PRR7: variants seen among roughly 807,000 people sequenced by gnomAD.
PRR7 encodes proline-rich protein 7.
A neutral mutation model predicts 18.5 loss-of-function variants in PRR7; 8 were observed. The observed-to-expected ratio is 0.43, with a 90% CI of 0.25 to 0.78. PRR7 has a LOEUF of 0.78. PRR7 is among the 30% of genes least tolerant of loss of function. The pLI is 0.22. For synonymous variants in PRR7, 221 were observed against 187.7 expected (o/e 1.18, Z -1.45); for missense variants, 396 against 403.1 (o/e 0.98, Z 0.15).
rs1417585194 is a variant in PRR7 at position 177,449,613 on chromosome 5, C to T, written c.-325+2653C>T. Among the ~76,000 whole-genome samples, 5 of 152,196 alleles carry T rather than the reference C, an allele frequency of 3.3e-5. No homozygotes were observed. The highest frequency in any genetic ancestry group is 7.2e-5 in the African/African-American group (3 of 41,454). Reference sequence around the variant, plus strand: ...GCGGGGATGAAGGCACAGAGAGCCACAGGCTGAGGTTTCAGAGGAGGAACC... The same window carrying T: ...GCGGGGATGAAGGCACAGAGAGCCATAGGCTGAGGTTTCAGAGGAGGAACC... On this transcript the variant is annotated intron_variant, in intron 1 of 3. Coordinates refer to ENST00000323249, the MANE Select transcript of PRR7 (RefSeq NM_030567.5). This position sits in a 1 kb window ranked among gnomAD's most constrained non-coding sequence, Gnocchi z 4.2.
chr5:177,452,346 C>G (rs1460498090), intron 1 of PRR7, among the ~76,000 whole-genome samples: 1 of 152,172 alleles, frequency 6.6e-6, no homozygotes, highest in Non-Finnish European at 1.5e-5. Context: ...GAAAGGCTCC[C>G]AGACAAGGGC....
Position 177,455,946 on chromosome 5 carries a change from C to T in PRR7, c.650C>T (p.Pro217Leu). The change falls in exon 4 of 4, where the codon CCC becomes CTC. Residue 217 changes from proline (P) to leucine (L), a missense_variant. By Grantham distance (98) the Pro-to-Leu change is moderately conservative. This residue lies in a region of PRR7 where 383 missense variants were observed against 372.6 expected (regional missense o/e 1.03). Coordinates refer to ENST00000323249, the MANE Select transcript of PRR7 (RefSeq NM_030567.5). This position sits in a 1 kb window ranked among gnomAD's most constrained non-coding sequence, Gnocchi z 6.9. Reference sequence around the variant, plus strand: ...GGCTACACCTCGGCGCTGCACCTGCCCAGCGCCCCTCGGCCCGCGCCGCCC... The same window carrying T: ...GGCTACACCTCGGCGCTGCACCTGCTCAGCGCCCCTCGGCCCGCGCCGCCC... Reference protein sequence around the residue: ...DRGYTSALHLPSAPRPAPPCP... With the variant: ...DRGYTSALHLLSAPRPAPPCP... The T allele has an allele frequency of 1.9e-6, 3 of 1,599,374 alleles. No homozygotes were observed. Among genetic ancestry groups the T allele is most frequent in the Non-Finnish European group, 2.6e-6 (3 of 1,176,000 alleles).
At position 177,454,515 on chromosome 5, in the gene PRR7, C is replaced by G. The variant is rs1202919229; in HGVS notation, c.-239-314C>G. ...CACAGGCTCCTGAAACCCTTTGGCC[C>G]CGGGACTGCGGATGGCGAATCTCTC... On this transcript the variant is annotated intron_variant, in intron 2 of 3. Transcript: ENST00000323249. This position sits in a 1 kb window ranked among gnomAD's most constrained non-coding sequence, Gnocchi z 4.7. Among the ~76,000 whole-genome samples, 1 of 152,188 alleles carries G rather than the reference C, an allele frequency of 6.6e-6. No individual in the cohort carries two copies. Among genetic ancestry groups the G allele is most frequent in the Non-Finnish European group, 1.5e-5 (1 of 68,010 alleles).
rs1271248010 is a variant in PRR7, at chr5:177,454,707, C to G, written c.-239-122C>G. On this transcript the variant is annotated intron_variant, in intron 2 of 3. Transcript: ENST00000323249. This position sits in a 1 kb window ranked among gnomAD's most constrained non-coding sequence, Gnocchi z 4.7. ...CCCTCCTCGGTGACGTCACCGGGCCCCCGGGGAGCGCGAGGTTCCCACGGA... is the reference window on the plus strand; with the variant it reads ...CCCTCCTCGGTGACGTCACCGGGCCGCCGGGGAGCGCGAGGTTCCCACGGA... 6.4e-6 allele frequency: 1 copy of G among 155,234 alleles called. No homozygotes were observed. The highest frequency in any genetic ancestry group is 1.4e-5 in the Non-Finnish European group (1 of 70,228). 9.6% of individuals were successfully genotyped at this position (155,234 alleles called of 1,614,324 possible).
At chr5:177,447,035 C>A (rs1399429358) in intron 1 of PRR7, 75 bp downstream of exon 1, 1 of 151,932 alleles carries the variant, frequency 6.6e-6, no homozygotes, top group Non-Finnish European at 1.5e-5. Flanking sequence ...TGAGCCCTTC[C>A]CCGCGGGCGG....
At chr5:177,453,772 C>A (rs1469317717) in intron 1 of PRR7, among the ~76,000 whole-genome samples, 184 bp from the exon 2 acceptor site, 1 of 152,228 alleles carries the variant, frequency 6.6e-6, no homozygotes, top group Non-Finnish European at 1.5e-5. Context: ...ATCTACACAG[C>A]CAGTTGTTCC....
chr5:177,455,093 C>G lies in PRR7; in HGVS notation c.26C>G (p.Thr9Arg). The G allele has an allele frequency of 6.7e-7, 1 of 1,496,340 alleles. No homozygotes were observed. Among genetic ancestry groups the G allele is most frequent in the Non-Finnish European group, 8.9e-7 (1 of 1,122,674 alleles). 92.7% of individuals were successfully genotyped at this position (1,496,340 alleles called of 1,614,324 possible). A position where few individuals can be genotyped will look rare whatever the true frequency, so the allele number is the denominator to read the frequency against. MVMSQGTY[T>R]FLTCFAGFWL... Reference sequence around the variant, plus strand: ...ATGGTGATGTCCCAGGGCACCTACACGTTCCTCACGTGCTTCGCCGGCTTC... The same window carrying G: ...ATGGTGATGTCCCAGGGCACCTACAGGTTCCTCACGTGCTTCGCCGGCTTC... Residue 9 changes from threonine to arginine, a missense_variant, in exon 3 of 4, where the codon ACG (threonine) becomes AGG (arginine). This residue lies in a region of PRR7 where 13 missense variants were observed against 30.6 expected (regional missense o/e 0.43). Transcript: ENST00000323249. This position sits in a 1 kb window ranked among gnomAD's most constrained non-coding sequence, Gnocchi z 6.9.
Position 177,455,732 on chromosome 5 carries a change from G to T in PRR7, c.436G>T (p.Asp146Tyr). ...CGCCTCCCACTCCGCAGCGGAATCGGACATGTCCAAACCACCGTGTTACGA... is the reference window on the plus strand; with the variant it reads ...CGCCTCCCACTCCGCAGCGGAATCGTACATGTCCAAACCACCGTGTTACGA... ...PWSYPRQAES[D>Y]MSKPPCYEEA... is the part of the protein sequence containing the mutation. Residue 146 changes from aspartate (D) to tyrosine (Y), a missense_variant, in exon 4 of 4, where the codon GAC becomes TAC. Physicochemically the swap from Asp to Tyr is radical, Grantham distance 160. Coordinates refer to ENST00000323249, the MANE Select transcript of PRR7 (RefSeq NM_030567.5). This position sits in a 1 kb window ranked among gnomAD's most constrained non-coding sequence, Gnocchi z 6.9. 1 of 1,593,046 alleles carries T rather than the reference G, an allele frequency of 6.3e-7. No individual in the cohort carries two copies. The highest frequency in any genetic ancestry group is 1.1e-5 in the South Asian group (1 of 89,328).
rs372921059 is a variant in PRR7, at chr5:177,452,353, G to A, written c.-324-1603G>A. ...CTGAGTCTGAAAGGCTCCCAGACAAGGGCAAGAGCTCACATAGTAAAGGAG... is the reference window on the plus strand; with the variant it reads ...CTGAGTCTGAAAGGCTCCCAGACAAAGGCAAGAGCTCACATAGTAAAGGAG... On this transcript the variant is annotated intron_variant, in intron 1 of 3. Coordinates refer to ENST00000323249, the MANE Select transcript of PRR7 (RefSeq NM_030567.5). 2.5e-3 allele frequency among the ~76,000 whole-genome samples: 378 copies of A among 152,356 alleles called. 2 individuals are homozygous for A. Among genetic ancestry groups the A allele is most frequent in the African/African-American group, 8.7e-3 (362 of 41,592 alleles).
intron 1 of PRR7, among the ~76,000 whole-genome samples, chr5:177,452,386 G>C (rs1312847580): frequency 6.6e-6 from 1 of 152,218 alleles, no homozygotes; most frequent in Non-Finnish European, 1.5e-5. Context: ...GAGCAGTAAG[G>C]GGGCATGGTT....
rs1392231844 is a variant in PRR7 at position 177,454,454 on chromosome 5, A to G, written c.-239-375A>G. ...TACCACCCTTTCCCCGCCGCACAGC[A>G]ACGGCGCCGAGACGCCTCTTCAGGG... On this transcript the variant is annotated intron_variant, in intron 2 of 3. Transcript: ENST00000323249. This position sits in a 1 kb window ranked among gnomAD's most constrained non-coding sequence, Gnocchi z 4.7. Among the ~76,000 whole-genome samples, 1 of 152,144 alleles carries G rather than the reference A, an allele frequency of 6.6e-6. No individual in the cohort carries two copies. The highest frequency in any genetic ancestry group is 2.4e-5 in the African/African-American group (1 of 41,440).
Position 177,455,270 on chromosome 5 carries a change from GC to G in PRR7, c.209del (p.Pro70ArgfsTer89). The G allele has an allele frequency of 4.6e-6, 7 of 1,521,992 alleles. No individual in the cohort carries two copies. The highest frequency in any genetic ancestry group is 4.0e-5 in the Admixed American group (2 of 49,412). The allele number at this position is 1,521,992 out of a possible 1,614,324, so 94.3% of individuals were successfully genotyped here. A position where few individuals can be genotyped will look rare whatever the true frequency, so the allele number is the denominator to read the frequency against. ...PLELEGSLAG[S>X]PPGLAPPQPP... ...GAACTCGAGGGCAGTCTGGCCGGGA[GC>G]CCCCCGGGCCTGGCGCCGCCGCAGC... On this transcript the variant is annotated frameshift_variant, in exon 3 of 4. Coordinates refer to ENST00000323249, the MANE Select transcript of PRR7 (RefSeq NM_030567.5). LOFTEE classifies it high-confidence loss of function. The surrounding 1 kb of genome is among the most constrained non-coding windows in gnomAD (Gnocchi z 6.9).
chr5:177,455,232 G>T lies in PRR7; in HGVS notation c.165G>T (p.Glu55Asp). ...GCGAGCAGAACCTGCGCGCCCTAGA[G>T]CTGGAGCCCCTCGAACTCGAGGGCA... ...RLREQNLRAL[E>D]LEPLELEGSL... The change falls in exon 3 of 4, where the codon GAG (glutamate) becomes GAT (aspartate). Residue 55 changes from glutamate to aspartate, a missense_variant. By Grantham distance (45) the Glu-to-Asp change is conservative. This residue lies in a region of PRR7 where 383 missense variants were observed against 372.6 expected (regional missense o/e 1.03). Transcript: ENST00000323249. The surrounding 1 kb of genome is among the most constrained non-coding windows in gnomAD (Gnocchi z 6.9). 1 of 1,564,766 alleles carries T rather than the reference G, an allele frequency of 6.4e-7. No homozygotes were observed. The highest frequency in any genetic ancestry group is 8.6e-7 in the Non-Finnish European group (1 of 1,164,066).
chr5:177,455,045 G>A lies in PRR7; in HGVS notation c.-23G>A. The A allele has an allele frequency of 2.8e-6, 4 of 1,446,444 alleles. No homozygotes were observed. The highest frequency in any genetic ancestry group is 3.6e-6 in the Non-Finnish European group (4 of 1,100,510). The allele number at this position is 1,446,444 out of a possible 1,614,324, so 89.6% of individuals were successfully genotyped here. A position where few individuals can be genotyped will look rare whatever the true frequency, so the allele number is the denominator to read the frequency against. On this transcript the variant is annotated 5_prime_UTR_variant, in exon 3 of 4. Transcript: ENST00000323249. The surrounding 1 kb of genome is among the most constrained non-coding windows in gnomAD (Gnocchi z 6.9). ...CCCAGTGTCCAGTGAAGCGTCTGAG[G>A]ACCCGCCGCCCGTGCCGCCGCCATG...
rs781089506 is a variant in PRR7, at chr5:177,455,941, C to T, written c.645C>T (p.His215=). Residue 215 remains histidine, a synonymous_variant, in exon 4 of 4, where the codon CAC becomes CAT. Coordinates refer to ENST00000323249, the MANE Select transcript of PRR7 (RefSeq NM_030567.5). This position sits in a 1 kb window ranked among gnomAD's most constrained non-coding sequence, Gnocchi z 6.9. ...FLDRGYTSAL[H]LPSAPRPAPP... ...ACCGGGGCTACACCTCGGCGCTGCA[C>T]CTGCCCAGCGCCCCTCGGCCCGCGC... The T allele has an allele frequency of 1.2e-6, 2 of 1,601,034 alleles. No homozygotes were observed. The highest frequency in any genetic ancestry group is 1.1e-5 in the South Asian group (1 of 90,264).
chr5:177,455,935 G>A lies in PRR7; in HGVS notation c.639G>A (p.Ala213=). ...PLFLDRGYTS[A]LHLPSAPRPA... is the part of the protein sequence containing the mutation. ...TCCTGGACCGGGGCTACACCTCGGC[G>A]CTGCACCTGCCCAGCGCCCCTCGGC... is the stretch of plus-strand genomic sequence containing the variant. The change falls in exon 4 of 4, where the codon GCG becomes GCA. Residue 213 remains alanine (A), a synonymous_variant. Transcript: ENST00000323249. The surrounding 1 kb of genome is among the most constrained non-coding windows in gnomAD (Gnocchi z 6.9). 1 of 1,602,674 alleles carries A rather than the reference G, an allele frequency of 6.2e-7. No homozygotes were observed. The highest frequency in any genetic ancestry group is 8.5e-7 in the Non-Finnish European group (1 of 1,177,302).
At position 177,455,959 on chromosome 5, in the gene PRR7, G is replaced by A; in HGVS notation, c.663G>A (p.Arg221=). 6.3e-7 allele frequency: 1 copy of A among 1,592,292 alleles called. No homozygotes were observed. The highest frequency in any genetic ancestry group is 8.5e-7 in the Non-Finnish European group (1 of 1,173,256). ...TSALHLPSAP[R]PAPPCPALCL... is the part of the protein sequence containing the mutation. ...CGCTGCACCTGCCCAGCGCCCCTCGGCCCGCGCCGCCCTGCCCAGCCCTCT... is the reference window on the plus strand; with the variant it reads ...CGCTGCACCTGCCCAGCGCCCCTCGACCCGCGCCGCCCTGCCCAGCCCTCT... The change falls in exon 4 of 4, where the codon CGG becomes CGA. Residue 221 remains arginine, a synonymous_variant. Transcript: ENST00000323249. This position sits in a 1 kb window ranked among gnomAD's most constrained non-coding sequence, Gnocchi z 6.9.
In PRR7 at chr5:177,455,008, C is replaced by T; in HGVS notation, c.-60C>T. ...TGAGAGTGTGGCGCGGGCCCGGGGC[C>T]ACGCAGCGGAGCCCAGTGTCCAGTG... On this transcript the variant is annotated 5_prime_UTR_variant, in exon 3 of 4. Transcript: ENST00000323249. The surrounding 1 kb of genome is among the most constrained non-coding windows in gnomAD (Gnocchi z 6.9). 1.4e-6 allele frequency: 2 copies of T among 1,386,648 alleles called. No homozygotes were observed. The highest frequency in any genetic ancestry group is 9.3e-7 in the Non-Finnish European group (1 of 1,070,470). 85.9% of individuals were successfully genotyped at this position (1,386,648 alleles called of 1,614,324 possible).
rs1386989172 is a variant in PRR7 at position 177,456,200 on chromosome 5, CGGGGAGGGGCGG to C, written c.*88_*99del. 17 of 1,227,734 alleles carry C rather than the reference CGGGGAGGGGCGG, an allele frequency of 1.4e-5. No individual in the cohort carries two copies. The highest frequency in any genetic ancestry group is 3.3e-5 in the African/African-American group (2 of 60,554). The allele number at this position is 1,227,734 out of a possible 1,614,324, so 76.1% of individuals were successfully genotyped here. A position where few individuals can be genotyped will look rare whatever the true frequency, so the allele number is the denominator to read the frequency against. On this transcript the variant is annotated 3_prime_UTR_variant, in exon 4 of 4. Coordinates refer to ENST00000323249, the MANE Select transcript of PRR7 (RefSeq NM_030567.5). ...GCTTTTTAAATGCTTCCCTGGACTGCGGGGAGGGGCGGGGGGAGGGAGGGATTTCTTATCCCG... is the reference window on the plus strand; with the variant it reads ...GCTTTTTAAATGCTTCCCTGGACTGCGGGGAGGGAGGGATTTCTTATCCCG...
Sources: allele counts gnomAD v4.1 joint callset (sites outside exome capture counted in the v4.1 genomes callset), GRCh38; gene constraint gnomAD v4.1.1; regional missense constraint gnomAD v4.1.1; non-coding constraint Gnocchi (gnomAD v3.1); transcripts MANE v1.5; gene names NCBI Gene and HGNC (gene_info 2026-07-23, HGNC 2026-07-21).